Variants in BEND2 observed in about 807,000 individuals in gnomAD.
The protein encoded by BEND2 is BEN domain-containing protein 2.
Under a neutral mutation model 43.8 loss-of-function variants are expected in BEND2, and 19 were observed. The ratio of observed to expected loss-of-function variants is 0.43; its 90% confidence interval spans 0.30 to 0.64. The LOEUF (loss-of-function observed/expected upper bound fraction) is 0.64. Ranked by LOEUF, BEND2 falls within the 30% of genes least tolerant of loss-of-function variation. BEND2 has a pLI of 0.11. For synonymous variants in BEND2, 226 were observed against 210.1 expected (o/e 1.08, Z -0.66); for missense variants, 544 against 574.0 (o/e 0.95, Z 0.53).
At chrX:18,214,810 C>CAAAAAAA (rs58814498) in intron 2 of BEND2, among the ~76,000 whole-genome samples, 4 of 35,448 alleles carry the variant, frequency 1.1e-4, no homozygotes, top group Non-Finnish European at 1.4e-4. Context: ...GACTCTGTCT[C>CAAAAAAA]AAAAAAAAAA....
intron 13 of BEND2, among the ~76,000 whole-genome samples, chrX:18,168,727 T>A (rs181077824): frequency 2.5e-3 from 279 of 111,847 alleles, no homozygotes; most frequent in Non-Finnish European, 3.2e-3. Flanking sequence ...TAGTTATTTA[T>A]ATGAAATCAA....
At chrX:18,201,990 A>G in intron 5 of BEND2, 50 bp from the exon 6 acceptor site, 1 of 1,108,185 alleles carries the variant, frequency 9.0e-7, no homozygotes, top group South Asian at 2.1e-5. Flanking sequence ...TTCACCCACA[A>G]ATTCTATACA....
At position 18,216,711 on chromosome X, in the gene BEND2, G is replaced by A. The variant is rs766817464; in HGVS notation, c.48C>T (p.Asp16=). ...TGCAATCATTGTTATCATCACTGTC[G>A]TCGACAGTTATAATAACAAAATCTA... ...QEQDFVIITV[D]DSDDNNDCSI... is the part of the protein sequence containing the mutation. Residue 16 remains aspartate (D), a synonymous_variant, in exon 2 of 14, where the codon GAC becomes GAT. Coordinates refer to ENST00000380033, the MANE Select transcript of BEND2 (RefSeq NM_153346.5). 34 of 1,202,582 alleles carry A rather than the reference G, an allele frequency of 2.8e-5. No individual in the cohort carries two copies. In the East Asian group the frequency reaches 7.7e-4, roughly 27 times the overall value.
chrX:18,206,016 C>G (rs1669724236), intron 4 of BEND2, among the ~76,000 whole-genome samples: 1 of 111,710 alleles, frequency 9.0e-6, no homozygotes, highest in Admixed American at 9.5e-5. Flanking sequence ...CTTAACCTCT[C>G]TGTGCTTCAA....
chrX:18,170,408 C>T (rs1267820410), intron 13 of BEND2, among the ~76,000 whole-genome samples: 1 of 111,983 alleles, frequency 8.9e-6, no homozygotes, highest in Non-Finnish European at 1.9e-5. Flanking sequence ...AACACCAGTG[C>T]TGTTCAAATT....
chrX:18,206,860 G>A (rs1458714579), intron 4 of BEND2, among the ~76,000 whole-genome samples: 1 of 111,738 alleles, frequency 8.9e-6, no homozygotes, highest in East Asian at 2.8e-4. Flanking sequence ...GGACGGAGGT[G>A]GACTCAAGAG....
rs774755509 is a variant in BEND2 at position 18,176,101 on chromosome X, C to T, written c.1631-8G>A. On this transcript the variant is annotated splice_polypyrimidine_tract_variant and splice_region_variant and intron_variant, in intron 10 of 13. Coordinates refer to ENST00000380033, the MANE Select transcript of BEND2 (RefSeq NM_153346.5). ...AAGTTGTTGCCAGATATTCTGCAAACAGCAGAAAGTATTCACGAAAATTAG... is the reference window on the plus strand; with the variant it reads ...AAGTTGTTGCCAGATATTCTGCAAATAGCAGAAAGTATTCACGAAAATTAG... 5.1e-6 allele frequency: 6 copies of T among 1,173,485 alleles called. No individual in the cohort carries two copies. The Admixed American group carries it at 1.7e-4, about 33-fold the overall frequency.
chrX:18,218,748 T>G (rs1183231472), intron 1 of BEND2, among the ~76,000 whole-genome samples: 1 of 111,525 alleles, frequency 9.0e-6, no homozygotes, highest in Non-Finnish European at 1.9e-5. Flanking sequence ...TAGTCCCAGC[T>G]ACTCGGGAGG....
At chrX:18,193,087 T>A (rs1924825814) in intron 7 of BEND2, among the ~76,000 whole-genome samples, 1 of 111,641 alleles carries the variant, frequency 9.0e-6, no homozygotes, top group African/African-American at 3.3e-5. Context: ...GAGGCCGAAG[T>A]GGGCAGATCA....
rs374435315 is a variant in BEND2 at position 18,164,977 on chromosome X, T to TA, written c.*31dup. The TA allele has an allele frequency of 0.024, 24,015 of 999,872 alleles. 105 individuals carry two copies. Among genetic ancestry groups the TA allele is most frequent in the African/African-American group, 0.1 (4,846 of 48,049 alleles). The allele number at this position is 999,872 out of a possible 1,213,427, so 82.4% of individuals were successfully genotyped here. ...AAACTTACAAAATAGTCTTAACAGT[T>TA]AAAAAAAAAAAAAAAGTTTGGCAGC... On this transcript the variant is annotated 3_prime_UTR_variant, in exon 14 of 14. Transcript: ENST00000380033.
intron 8 of BEND2, among the ~76,000 whole-genome samples, chrX:18,183,691 C>T (rs938540314): frequency 3.6e-5 from 4 of 111,915 alleles, no homozygotes; most frequent in African/African-American, 9.7e-5. Flanking sequence ...TGGCAGCATT[C>T]ACCGTAAGCT....
At chrX:18,168,416 G>T (rs770889741) in intron 13 of BEND2, among the ~76,000 whole-genome samples, 6 of 111,913 alleles carry the variant, frequency 5.4e-5, no homozygotes, top group Non-Finnish European at 1.1e-4. Context: ...CTAGAAGGAA[G>T]AACTTTCCCA....
At chrX:18,205,605 CAAAAAAAAAAAA>C (rs147435323) in intron 4 of BEND2, among the ~76,000 whole-genome samples, 2 of 24,162 alleles carry the variant, frequency 8.3e-5, no homozygotes, top group East Asian at 1.9e-3. Flanking sequence ...GACCCTGTCT[CAAAAAAAAAAAA>C]AAAAAAAAAA....
chrX:18,201,777 G>A, intron 6 of BEND2, 38 bp downstream of exon 6: 1 of 1,177,475 alleles, frequency 8.5e-7, no homozygotes, highest in Non-Finnish European at 1.1e-6. Context: ...ACAAGTGTGA[G>A]CCACCACGCC....
intron 1 of BEND2, among the ~76,000 whole-genome samples, chrX:18,218,879 A>C (rs1047766709): frequency 1.8e-5 from 2 of 112,023 alleles, no homozygotes; most frequent in African/African-American, 6.5e-5. Flanking sequence ...AAACAAAACA[A>C]ACAAACAAAA....
chrX:18,209,739 G>A (rs1278974475), intron 4 of BEND2, among the ~76,000 whole-genome samples: 1 of 111,184 alleles, frequency 9.0e-6, no homozygotes, highest in East Asian at 2.8e-4. Context: ...AAGAGGCTAA[G>A]GAGACACAAC....
chrX:18,177,744 A>G lies in BEND2; in HGVS notation c.1455T>C (p.Asn485=). ...GCAAATGGATTTTAAGTACTCTGAC[A>G]TTTCTTTTTGGATCACCAAGATAGC... ...KYGYLGDPKR[N]VRVLKIHLLA... The change falls in exon 10 of 14, where the codon AAT becomes AAC. Residue 485 remains asparagine (N), a synonymous_variant. Transcript: ENST00000380033. 1 of 1,210,144 alleles carries G rather than the reference A, an allele frequency of 8.3e-7. No homozygotes were observed. The highest frequency in any genetic ancestry group is 2.3e-4 in the Middle Eastern group (1 of 4,335).
intron 4 of BEND2, among the ~76,000 whole-genome samples, chrX:18,206,436 C>T (rs1016797749): frequency 4.5e-5 from 5 of 111,086 alleles, no homozygotes; most frequent in African/African-American, 9.8e-5. Flanking sequence ...ATTCCAGGAG[C>T]GAGGCTGTCA....
At chrX:18,220,030 A>G (rs1355622165) in intron 1 of BEND2, among the ~76,000 whole-genome samples, 3 of 112,379 alleles carry the variant, frequency 2.7e-5, no homozygotes, top group Non-Finnish European at 5.6e-5. Flanking sequence ...CACCAAAAAG[A>G]GAACAGCTGA....
Sources: gnomAD v4.1 joint callset for allele counts (sites outside exome capture counted in the v4.1 genomes callset) on GRCh38, gnomAD v4.1.1 for gene constraint, MANE v1.5 for transcripts, NCBI Gene and HGNC (gene_info 2026-07-23, HGNC 2026-07-21) for gene names.